The following CENPO variants were observed in gnomAD, a reference collection of about 807,000 sequenced individuals.
CENPO encodes the protein centromeric protein O.
In CENPO, 30 loss-of-function variants were observed where a neutral mutation model predicts 36.1. The observed-to-expected ratio is 0.83, with a 90% CI of 0.62 to 1.13. CENPO has a LOEUF of 1.13. Ranked by LOEUF, CENPO falls within the 50% of genes most tolerant of loss-of-function variation. The pLI is 0.00. For synonymous variants in CENPO, 171 were observed against 142.3 expected (o/e 1.20, Z -1.44); for missense variants, 349 against 357.8 (o/e 0.98, Z 0.20).
chr2:24,795,760 G>A (rs1370572692), intron 2 of CENPO, among the ~76,000 whole-genome samples: 1 of 152,140 alleles, frequency 6.6e-6, no homozygotes, highest in Non-Finnish European at 1.5e-5. Context: ...ATCACCTCCT[G>A]GTTGGACATT....
At chr2:24,813,211 A>G (rs2148285013) in intron 3 of CENPO, among the ~76,000 whole-genome samples, 1 of 152,056 alleles carries the variant, frequency 6.6e-6, no homozygotes, top group Non-Finnish European at 1.5e-5. Flanking sequence ...GTGCCATTGC[A>G]CTCCAGCCTG....
chr2:24,806,386 T>C (rs556796205), intron 3 of CENPO, among the ~76,000 whole-genome samples: 1 of 152,270 alleles, frequency 6.6e-6, no homozygotes, highest in South Asian at 2.1e-4. Context: ...CAGTTGGAAA[T>C]GCGGAAATCA....
rs1452296227 is a variant in CENPO, at chr2:24,817,857, T to G, written c.*35+16T>G. On this transcript the variant is annotated intron_variant, in intron 7 of 7. Transcript: ENST00000380834. Reference sequence around the variant, plus strand: ...CACATCAGAGGTAAGTAACCAGTACTGAAGACAGTACCAGGTGGGTAGTAC... The same window carrying G: ...CACATCAGAGGTAAGTAACCAGTACGGAAGACAGTACCAGGTGGGTAGTAC... 3 of 1,607,342 alleles carry G rather than the reference T, an allele frequency of 1.9e-6. No homozygotes were observed. The highest frequency in any genetic ancestry group is 2.6e-6 in the Non-Finnish European group (3 of 1,174,826).
chr2:24,817,829 G>T lies in CENPO; in HGVS notation c.*23G>T. On this transcript the variant is annotated 3_prime_UTR_variant, in exon 7 of 8. Coordinates refer to ENST00000380834, the MANE Select transcript of CENPO (RefSeq NM_001322101.2). ...TAATAGATTGTTTTCACTGCACTGGGAGCACATCAGAGGTAAGTAACCAGT... is the reference window on the plus strand; with the variant it reads ...TAATAGATTGTTTTCACTGCACTGGTAGCACATCAGAGGTAAGTAACCAGT... 1 of 1,613,784 alleles carries T rather than the reference G, an allele frequency of 6.2e-7. No individual in the cohort carries two copies. The highest frequency in any genetic ancestry group is 1.1e-5 in the South Asian group (1 of 91,044).
intron 3 of CENPO, among the ~76,000 whole-genome samples, chr2:24,804,874 C>G (rs1300137657): frequency 2.0e-5 from 3 of 152,126 alleles, no homozygotes; most frequent in African/African-American, 7.2e-5. Context: ...TATTGGCCTG[C>G]CTTGCTAGTT....
Position 24,821,441 on chromosome 2 carries a change from G to A in CENPO, c.*2123G>A, listed in dbSNP as rs2148344257. The A allele has an allele frequency of 1.3e-6, 2 of 1,576,156 alleles. No individual in the cohort carries two copies. The highest frequency in any genetic ancestry group is 1.7e-6 in the Non-Finnish European group (2 of 1,158,158). On this transcript the variant is annotated 3_prime_UTR_variant, in exon 8 of 8. Coordinates refer to ENST00000380834, the MANE Select transcript of CENPO (RefSeq NM_001322101.2). ...TTGCCTCAGTTGTCCTGAGCCTCATGTCTCTCCTGGTGGTGGGCCAGGCCC... is the reference window on the plus strand; with the variant it reads ...TTGCCTCAGTTGTCCTGAGCCTCATATCTCTCCTGGTGGTGGGCCAGGCCC...
At chr2:24,815,249 A>AG (rs908905689) in intron 4 of CENPO, among the ~76,000 whole-genome samples, 1 of 152,044 alleles carries the variant, frequency 6.6e-6, no homozygotes, top group Non-Finnish European at 1.5e-5. Flanking sequence ...AAAAAAAAAA[A>AG]AAAAAAATTT....
chr2:24,816,867 G>T, intron 6 of CENPO, 50 bp downstream of exon 6: 1 of 1,509,704 alleles, frequency 6.6e-7, no homozygotes, highest in African/African-American at 1.4e-5. Context: ...GTTTATTTGA[G>T]TGAAACAGGG....
rs1380857443 is a variant in CENPO, at chr2:24,821,650, G to A, written c.*2332G>A. 1 of 1,613,654 alleles carries A rather than the reference G, an allele frequency of 6.2e-7. No homozygotes were observed. The highest frequency in any genetic ancestry group is 2.2e-5 in the East Asian group (1 of 44,882). On this transcript the variant is annotated 3_prime_UTR_variant, in exon 8 of 8. Transcript: ENST00000380834. ...TCTCGGACTTGTCTTCCTGTGCCAG[G>A]GGACCGTGGAGAAAGTGTCAGGGGC...
chr2:24,814,748 T>A, intron 4 of CENPO: 1 of 458,120 alleles, frequency 2.2e-6, no homozygotes, highest in Non-Finnish European at 4.0e-6. Flanking sequence ...CCACTCATCT[T>A]AACAGTTCGT....
At chr2:24,799,162 A>G (rs1368478339) in intron 2 of CENPO, among the ~76,000 whole-genome samples, 1 of 151,762 alleles carries the variant, frequency 6.6e-6, no homozygotes, top group Non-Finnish European at 1.5e-5. Flanking sequence ...ATGCCCGGCT[A>G]ATTTTTTGTA....
intron 3 of CENPO, among the ~76,000 whole-genome samples, chr2:24,806,732 A>C (rs1244033238): frequency 2.0e-5 from 3 of 152,180 alleles, no homozygotes; most frequent in Non-Finnish European, 2.9e-5. Context: ...CCAATACTTA[A>C]AGTGGCCTGC....
chr2:24,798,881 G>T (rs997692509), intron 2 of CENPO, among the ~76,000 whole-genome samples: 1 of 150,804 alleles, frequency 6.6e-6, no homozygotes, highest in Admixed American at 6.6e-5. Flanking sequence ...AAGGAGAGAA[G>T]ATTAAGGTTT....
chr2:24,800,078 C>T (rs902292579), intron 3 of CENPO, among the ~76,000 whole-genome samples: 9 of 152,244 alleles, frequency 5.9e-5, no homozygotes, highest in East Asian at 3.9e-4. Flanking sequence ...TGTGGTCAGG[C>T]GTTTGAGACC....
chr2:24,819,969 G>C lies in CENPO; in HGVS notation c.*651G>C, dbSNP rs779807680. 6.2e-6 allele frequency: 10 copies of C among 1,613,814 alleles called. No homozygotes were observed. Among genetic ancestry groups the C allele is most frequent in the African/African-American group, 5.3e-5 (4 of 74,906 alleles). On this transcript the variant is annotated 3_prime_UTR_variant, in exon 8 of 8. Transcript: ENST00000380834. ...CACCACCTGGTGGGGCAGTGTGACA[G>C]AGGGGCCATTGGGGAAGGTGGCTAG...
intron 3 of CENPO, among the ~76,000 whole-genome samples, chr2:24,810,754 C>A (rs1666638878): frequency 6.6e-6 from 1 of 151,702 alleles, no homozygotes; most frequent in African/African-American, 2.4e-5. Flanking sequence ...GTGATCTGCC[C>A]ACCTCGGCCT....
rs70947848 is a variant in CENPO, at chr2:24,811,282, C to CTTTTTTTTTTTTTT, written c.217-3090_217-3077dup. Among the ~76,000 whole-genome samples the CTTTTTTTTTTTTTT allele has an allele frequency of 7.6e-5, 8 of 105,552 alleles. 1 individual carries two copies. Among genetic ancestry groups the CTTTTTTTTTTTTTT allele is most frequent in the African/African-American group, 1.5e-4 (4 of 26,378 alleles). 69.2% of individuals were successfully genotyped at this position (105,552 alleles called of 152,430 possible). A position where few individuals can be genotyped will look rare whatever the true frequency, so the allele number is the denominator to read the frequency against. ...TTAATTGGAGTATTTAGTCCATGAACTTTTTTTTTTTTTTTTTGAGACGGA... is the reference window on the plus strand; with the variant it reads ...TTAATTGGAGTATTTAGTCCATGAACTTTTTTTTTTTTTTTTTTTTTTTTTTTTTTTGAGACGGA... On this transcript the variant is annotated intron_variant, in intron 3 of 7. Coordinates refer to ENST00000380834, the MANE Select transcript of CENPO (RefSeq NM_001322101.2).
intron 2 of CENPO, among the ~76,000 whole-genome samples, chr2:24,798,773 T>C (rs1666028538): frequency 1.3e-5 from 2 of 151,814 alleles, no homozygotes; most frequent in Non-Finnish European, 2.9e-5. Flanking sequence ...TCTCACATAC[T>C]TTTTTTTAAT....
chr2:24,793,772 G>A (rs546215708), intron 1 of CENPO, 80 bp from the exon 2 acceptor site: 58 of 1,135,320 alleles, frequency 5.1e-5, no homozygotes, highest in Admixed American at 6.9e-5. Context: ...CAGGGGTTGT[G>A]CCTGAGTGGT....
Sources: gnomAD v4.1 joint callset for allele counts (sites outside exome capture counted in the v4.1 genomes callset) on GRCh38, gnomAD v4.1.1 for gene constraint, MANE v1.5 for transcripts, NCBI Gene and HGNC (gene_info 2026-07-23, HGNC 2026-07-21) for gene names.